The following RPL38 variants were observed in gnomAD, a reference collection of about 807,000 sequenced individuals.
RPL38 encodes the protein ribosomal protein L38.
Under a neutral mutation model 12.8 loss-of-function variants are expected in RPL38, and 2 were observed. The ratio of observed to expected loss-of-function variants is 0.16; its 90% CI spans 0.06 to 0.49. The LOEUF is 0.49. Among genes scored for constraint, RPL38 ranks in the 20% least tolerant of loss-of-function variants. The pLI is 0.96. For synonymous variants in RPL38, 42 were observed against 30.1 expected, an observed-to-expected ratio of 1.39 and a Z score of -1.29; for missense variants, 52 against 79.8, an observed-to-expected ratio of 0.65 and a Z score of 1.33.
rs942400738 is a variant in RPL38, at chr17:74,210,022, C to G, written c.*193C>G. 5.7e-6 allele frequency: 3 copies of G among 528,468 alleles called. No individual in the cohort carries two copies. The allele number at this position is 528,468 out of a possible 1,614,324, so 32.7% of individuals were successfully genotyped here. A position where few individuals can be genotyped will look rare whatever the true frequency, so the allele number is the denominator to read the frequency against. On this transcript the variant is annotated 3_prime_UTR_variant, in exon 5 of 5. Coordinates refer to ENST00000311111, the MANE Select transcript of RPL38 (RefSeq NM_000999.4). ...TCTTTCTTTGAGACGGAGTCTTGCT[C>G]TGTGGCTCATCCTGGAGCACAGTGG...
chr17:74,208,095 G>C (rs929046585), intron 3 of RPL38, among the ~76,000 whole-genome samples: 13 of 152,192 alleles, frequency 8.5e-5, no homozygotes, highest in African/African-American at 3.1e-4. Flanking sequence ...GCTGTGTGCT[G>C]TGTCTGGCCA....
chr17:74,208,744 G>A (rs1024758687), intron 3 of RPL38, among the ~76,000 whole-genome samples: 5 of 152,152 alleles, frequency 3.3e-5, no homozygotes, highest in Admixed American at 3.3e-4. Context: ...GACCATCCTG[G>A]CAAACATGGT....
chr17:74,206,121 C>G (rs1430226861), intron 3 of RPL38: 1 of 152,178 alleles, frequency 6.6e-6, no homozygotes, highest in Admixed American at 6.5e-5. Context: ...GTTGAAAAAA[C>G]TTTTTAAAAT....
chr17:74,204,476 C>T (rs1291247396), intron 3 of RPL38: 4 of 444,654 alleles, frequency 9.0e-6, no homozygotes, highest in Non-Finnish European at 1.6e-5. Flanking sequence ...AACGGAATCT[C>T]CACTCCGCGA....
chr17:74,210,311 T>G lies in RPL38; in HGVS notation c.*482T>G, dbSNP rs2050155139. The G allele has an allele frequency of 6.5e-6, 1 of 154,710 alleles. No individual in the cohort carries two copies. The highest frequency in any genetic ancestry group is 6.4e-5 in the Admixed American group (1 of 15,588). The allele number at this position is 154,710 out of a possible 1,614,324, so 9.6% of individuals were successfully genotyped here. On this transcript the variant is annotated 3_prime_UTR_variant, in exon 5 of 5. Transcript: ENST00000311111. ...CATCTGTTTTCAGCCTGTTTGAAAA[T>G]AAGATGTGGGGAGGCCATGATGGAA...
chr17:74,205,356 G>A (rs1031692472), intron 3 of RPL38: 1 of 152,192 alleles, frequency 6.6e-6, no homozygotes, highest in Non-Finnish European at 1.5e-5. Context: ...GGTTGCATGG[G>A]ACAGGCCTGT....
chr17:74,204,047 G>A (rs2050086677), intron 2 of RPL38, 83 bp from the exon 3 acceptor site: 16 of 1,610,138 alleles, frequency 9.9e-6, no homozygotes, highest in Non-Finnish European at 1.4e-5. Context: ...GATCTCCTGA[G>A]GCCGGGAGAA....
chr17:74,206,024 A>G (rs1187727213), intron 3 of RPL38: 1 of 152,176 alleles, frequency 6.6e-6, no homozygotes, highest in Admixed American at 6.5e-5. Flanking sequence ...TCTCACAAAA[A>G]AAATTGGGAA....
At chr17:74,204,489 G>A (rs1277609497) in intron 3 of RPL38, 1 of 427,124 alleles carries the variant, frequency 2.3e-6, no homozygotes, top group Non-Finnish European at 4.3e-6. Context: ...CTCCGCGAAA[G>A]CCTCAAAACA....
chr17:74,204,008 C>G (rs1228952109), intron 2 of RPL38, 50 bp downstream of exon 2: 2 of 1,613,078 alleles, frequency 1.2e-6, no homozygotes, highest in East Asian at 2.2e-5. Context: ...TCGTGGGGCC[C>G]CGGGGCGAGG....
chr17:74,203,985 T>G (rs758403266), intron 2 of RPL38, 27 bp downstream of exon 2: 24 of 1,613,038 alleles, frequency 1.5e-5, no homozygotes, highest in Non-Finnish European at 1.9e-5. Flanking sequence ...CCTGGCGCCT[T>G]CCCGGGGTGG....
chr17:74,206,441 C>T (rs141590952), intron 3 of RPL38, among the ~76,000 whole-genome samples: 1,897 of 152,214 alleles, frequency 0.012, 37 homozygotes, highest in African/African-American at 0.043. Flanking sequence ...AGTTCAGTGG[C>T]ATTCAGTAAA....
chr17:74,208,366 G>C (rs1473530000), intron 3 of RPL38, among the ~76,000 whole-genome samples: 1 of 152,192 alleles, frequency 6.6e-6, no homozygotes, highest in Non-Finnish European at 1.5e-5. Context: ...AGCTGAATTT[G>C]AGGTACACAG....
chr17:74,206,884 T>C (rs1170563874), intron 3 of RPL38, among the ~76,000 whole-genome samples: 3 of 151,528 alleles, frequency 2.0e-5, no homozygotes, highest in Non-Finnish European at 4.4e-5. Context: ...GGCTAATTTT[T>C]TTTTTTTTTT....
In RPL38 at chr17:74,208,893, G is replaced by A. The variant is rs567849189; in HGVS notation, c.65-294G>A. Among the ~76,000 whole-genome samples the A allele has an allele frequency of 7.9e-5, 12 of 152,216 alleles. No individual in the cohort carries two copies. In the South Asian group the frequency reaches 1.0e-3, roughly 13 times the overall value. The stretch of plus-strand genomic sequence containing the variant: ...GGAGGTTGCAGGGAGCCAAGATTGC[G>A]CCACTACACTCCAGCCTGGCAACAG... On this transcript the variant is annotated intron_variant, in intron 3 of 4. Coordinates refer to ENST00000311111, the MANE Select transcript of RPL38 (RefSeq NM_000999.4).
intron 3 of RPL38, 97 bp downstream of exon 3, chr17:74,204,287 C>CCGT: frequency 1.8e-6 from 2 of 1,109,694 alleles, no homozygotes; most frequent in Non-Finnish European, 1.4e-6. Flanking sequence ...GACGGTTAGG[C>CCGT]CGTCTGGGTG....
At position 74,204,133 on chromosome 17, in the gene RPL38, C is replaced by G. The variant is rs370477439; in HGVS notation, c.7C>G (p.Arg3Gly). ...ACCCGCTTCCTTTGTGTTGCAGCCTCGGAAAATTGAGGAAATCAAGGACTT... is the reference window on the plus strand; with the variant it reads ...ACCCGCTTCCTTTGTGTTGCAGCCTGGGAAAATTGAGGAAATCAAGGACTT... MP[R>G]KIEEIKDFLL... The change falls in exon 3 of 5, where the codon CGG becomes GGG. Residue 3 changes from arginine (R) to glycine (G), a missense_variant. Arg to Gly is a moderately radical substitution (Grantham distance 125). Coordinates refer to ENST00000311111, the MANE Select transcript of RPL38 (RefSeq NM_000999.4). The G allele has an allele frequency of 1.2e-5, 19 of 1,614,150 alleles. No homozygotes were observed. Among genetic ancestry groups the G allele is most frequent in the Non-Finnish European group, 1.6e-5 (19 of 1,180,026 alleles).
intron 3 of RPL38, among the ~76,000 whole-genome samples, chr17:74,206,792 A>C (rs1306601983): frequency 7.1e-6 from 1 of 140,864 alleles, no homozygotes; most frequent in African/African-American, 2.7e-5. Flanking sequence ...AGCTCACTGC[A>C]AGCTCCGCCT....
chr17:74,204,231 G>T, intron 3 of RPL38, 41 bp downstream of exon 3: 1 of 1,574,114 alleles, frequency 6.4e-7, no homozygotes, highest in Non-Finnish European at 8.7e-7. Context: ...GCGGTGCCTA[G>T]CCTGGCACCG....
Sources: allele counts gnomAD v4.1 joint callset (sites outside exome capture counted in the v4.1 genomes callset), GRCh38; gene constraint gnomAD v4.1.1; transcripts MANE v1.5; gene names NCBI Gene and HGNC (gene_info 2026-07-23, HGNC 2026-07-21).